Variants in MAML3 observed in about 807,000 individuals in gnomAD.
MAML3 encodes the protein mastermind like transcriptional coactivator 3, also known as mastermind-like protein 3.
Under a neutral mutation model 101.9 loss-of-function variants are expected in MAML3, and 27 were observed. The ratio of observed to expected loss-of-function variants is 0.27; its 90% CI spans 0.20 to 0.37. The LOEUF (loss-of-function observed/expected upper bound fraction) is 0.37, where lower values mean the gene tolerates loss of function less well. Among genes scored for constraint, MAML3 ranks in the 10% least tolerant of loss-of-function variants. The pLI is 1.00. For missense variants in MAML3, 1,316 were observed against 1,444.9 expected (o/e 0.91, Z 1.45); for synonymous variants, 501 against 555.9 (o/e 0.90, Z 1.39).
intron 1 of MAML3, among the ~76,000 whole-genome samples, chr4:140,095,610 C>T (rs1728143335): frequency 6.6e-6 from 1 of 152,126 alleles, no homozygotes; most frequent in Non-Finnish European, 1.5e-5. Flanking sequence ...CTTCTTGCCC[C>T]CTCTTCTTTC....
chr4:139,876,596 A>G (rs757096512), intron 2 of MAML3, among the ~76,000 whole-genome samples: 18 of 152,224 alleles, frequency 1.2e-4, no homozygotes, highest in Non-Finnish European at 2.4e-4. Context: ...CAGCAAGAGC[A>G]CACTTTGGCA....
intron 1 of MAML3, among the ~76,000 whole-genome samples, chr4:140,034,881 G>A (rs1263136099): frequency 1.3e-5 from 2 of 152,208 alleles, no homozygotes; most frequent in Non-Finnish European, 1.5e-5. Flanking sequence ...TACATGGGTA[G>A]AGGCAGGCAA....
chr4:139,734,596 T>C (rs755055628), intron 2 of MAML3, among the ~76,000 whole-genome samples: 1 of 152,192 alleles, frequency 6.6e-6, no homozygotes, highest in Non-Finnish European at 1.5e-5. Flanking sequence ...TCTTAGCAAT[T>C]TTCTAAAGGC....
chr4:140,096,181 T>C (rs1017197337), intron 1 of MAML3, among the ~76,000 whole-genome samples: 73 of 152,316 alleles, frequency 4.8e-4, no homozygotes, highest in African/African-American at 1.6e-3. Flanking sequence ...CTATGGAACA[T>C]ATTTTGTCTA....
At chr4:140,113,656 A>G (rs567055237) in intron 1 of MAML3, among the ~76,000 whole-genome samples, 1 of 152,328 alleles carries the variant, frequency 6.6e-6, no homozygotes, top group African/African-American at 2.4e-5. Context: ...AACTCCCACA[A>G]AAGCTTGGGA....
At chr4:139,983,115 G>C (rs561246910) in intron 1 of MAML3, among the ~76,000 whole-genome samples, 41 of 152,258 alleles carry the variant, frequency 2.7e-4, no homozygotes, top group Non-Finnish European at 5.1e-4. Context: ...TAAATATTTT[G>C]TTTAAATTTC....
intron 1 of MAML3, among the ~76,000 whole-genome samples, chr4:140,098,090 C>T (rs546209913): frequency 4.6e-5 from 7 of 152,292 alleles, no homozygotes; most frequent in South Asian, 2.1e-4. Flanking sequence ...ATTATGTGCT[C>T]GGTCCAGGGA....
intron 1 of MAML3, among the ~76,000 whole-genome samples, chr4:140,076,908 G>C (rs1727777166): frequency 6.6e-6 from 1 of 151,818 alleles, no homozygotes; most frequent in South Asian, 2.1e-4. Context: ...CTGTTGTTTT[G>C]AAACGGAGTC....
chr4:139,995,771 T>TG (rs1314700899), intron 1 of MAML3, among the ~76,000 whole-genome samples: 1 of 151,986 alleles, frequency 6.6e-6, no homozygotes, highest in African/African-American at 2.4e-5. Context: ...TGATTTTCTC[T>TG]ATTTTTTTTC....
chr4:139,909,541 C>T (rs1732879747), intron 1 of MAML3, among the ~76,000 whole-genome samples: 1 of 152,128 alleles, frequency 6.6e-6, no homozygotes, highest in Admixed American at 6.5e-5. Flanking sequence ...AGTTATCCCA[C>T]AAACCCAAAG....
At chr4:140,091,548 C>CAA (rs58455997) in intron 1 of MAML3, among the ~76,000 whole-genome samples, 3 of 121,100 alleles carry the variant, frequency 2.5e-5, no homozygotes, top group African/African-American at 6.3e-5. Flanking sequence ...AAAAACAAAA[C>CAA]AAAAAAAAAA....
At chr4:139,797,038 T>C (rs1269222735) in intron 2 of MAML3, among the ~76,000 whole-genome samples, 2 of 152,146 alleles carry the variant, frequency 1.3e-5, no homozygotes, top group African/African-American at 2.4e-5. Context: ...CTAAAAGTGA[T>C]GATGTCAACA....
intron 1 of MAML3, among the ~76,000 whole-genome samples, chr4:139,976,843 G>C (rs1306726588): frequency 6.6e-6 from 1 of 151,598 alleles, no homozygotes; most frequent in African/African-American, 2.4e-5. Context: ...TTTCCCTCCA[G>C]GGCACATCTG....
chr4:139,893,321 A>T (rs189246150), intron 1 of MAML3, among the ~76,000 whole-genome samples: 1 of 152,190 alleles, frequency 6.6e-6, no homozygotes, highest in Admixed American at 6.5e-5. Context: ...CACCCTAGTT[A>T]TATGTTAGGT....
At chr4:139,912,996 C>T (rs985977026) in intron 1 of MAML3, among the ~76,000 whole-genome samples, 16 of 152,180 alleles carry the variant, frequency 1.1e-4, no homozygotes, top group Non-Finnish European at 1.0e-4. Context: ...TATGCCAAGG[C>T]CAAAATGAGT....
chr4:140,082,026 C>A (rs1431515621), intron 1 of MAML3, among the ~76,000 whole-genome samples: 1 of 152,132 alleles, frequency 6.6e-6, no homozygotes, highest in Non-Finnish European at 1.5e-5. Context: ...AAAAACAGGG[C>A]CAAAGCTAAT....
chr4:139,994,988 A>C (rs1734776148), intron 1 of MAML3, among the ~76,000 whole-genome samples: 1 of 152,148 alleles, frequency 6.6e-6, no homozygotes, highest in African/African-American at 2.4e-5. Context: ...AAACCATATC[A>C]TCTTTCATCA....
At chr4:139,756,211 T>C (rs1486678461) in intron 2 of MAML3, among the ~76,000 whole-genome samples, 2 of 152,244 alleles carry the variant, frequency 1.3e-5, no homozygotes, top group African/African-American at 2.4e-5. Context: ...TTGTTTAGTA[T>C]GCTTTGAAGG....
At chr4:140,053,818 G>A (rs1370269283) in intron 1 of MAML3, among the ~76,000 whole-genome samples, 1 of 152,106 alleles carries the variant, frequency 6.6e-6, no homozygotes, top group Non-Finnish European at 1.5e-5. Context: ...ACTTTCACAT[G>A]CCATGAAACA....
Sources: allele counts gnomAD v4.1 joint callset (sites outside exome capture counted in the v4.1 genomes callset), GRCh38; gene constraint gnomAD v4.1.1; transcripts MANE v1.5; gene names NCBI Gene and HGNC (gene_info 2026-07-23, HGNC 2026-07-21).